The following PCDHA12 variants were observed in gnomAD, a reference collection of about 807,000 sequenced individuals.
PCDHA12 encodes the protein protocadherin alpha-12.
In PCDHA12, 44 loss-of-function variants were observed where a neutral mutation model predicts 60.0. That is an observed-to-expected ratio of 0.73 (90% CI 0.58 to 0.94). The LOEUF (loss-of-function observed/expected upper bound fraction) is 0.94, where lower values mean the gene tolerates loss of function less well. Among genes scored for constraint, PCDHA12 ranks in the 40% least tolerant of loss-of-function variants. The probability of loss-of-function intolerance (pLI) is 0.00; values close to 1 mark genes in which losing one functional copy is unlikely to be tolerated. For synonymous variants in PCDHA12, 569 were observed against 553.0 expected, an observed-to-expected ratio of 1.03 and a Z score of -0.40; for missense variants, 1,276 against 1,239.7, an observed-to-expected ratio of 1.03 and a Z score of -0.44.
At chr5:140,929,768 C>T (rs534287991) in intron 1 of PCDHA12, 1 of 175,482 alleles carries the variant, frequency 5.7e-6, no homozygotes, top group South Asian at 2.0e-4. Context: ...ACGATAACCA[C>T]AAAAGATGTA....
At chr5:140,966,617 A>G (rs1169791623) in intron 1 of PCDHA12, 8 of 785,216 alleles carry the variant, frequency 1.0e-5, no homozygotes, top group African/African-American at 1.8e-5. Flanking sequence ...GGGCCTACGG[A>G]GGGAGCGGCC....
intron 1 of PCDHA12, chr5:140,968,575 G>C: frequency 6.2e-7 from 1 of 1,614,134 alleles, no homozygotes; most frequent in Non-Finnish European, 8.5e-7. Context: ...CTGGCTACCT[G>C]GTCACCAAAG....
At chr5:140,977,815 G>C (rs2096776039) in intron 1 of PCDHA12, among the ~76,000 whole-genome samples, 1 of 152,208 alleles carries the variant, frequency 6.6e-6, no homozygotes, top group Non-Finnish European at 1.5e-5. Context: ...ATTATTGACA[G>C]TTTTGAATGG....
At chr5:140,971,527 A>G (rs116818549) in intron 1 of PCDHA12, among the ~76,000 whole-genome samples, 2,035 of 152,284 alleles carry the variant, frequency 0.013, 20 homozygotes, top group Middle Eastern at 0.054. Context: ...CAGTTCTGAA[A>G]GTCATCATTG....
chr5:140,891,418 C>G (rs2063090538), intron 1 of PCDHA12, among the ~76,000 whole-genome samples: 1 of 146,594 alleles, frequency 6.8e-6, no homozygotes, highest in Non-Finnish European at 1.5e-5. Flanking sequence ...CCACTCTTGC[C>G]CCCAAGTCCC....
At chr5:141,003,467 A>G (rs1262411574) in intron 3 of PCDHA12, among the ~76,000 whole-genome samples, 1 of 152,036 alleles carries the variant, frequency 6.6e-6, no homozygotes, top group Non-Finnish European at 1.5e-5. Context: ...GTGCACCACC[A>G]CAGTCTCGCT....
At chr5:140,889,424 A>AT (rs1554183891) in intron 1 of PCDHA12, among the ~76,000 whole-genome samples, 2 of 151,956 alleles carry the variant, frequency 1.3e-5, no homozygotes, top group Non-Finnish European at 2.9e-5. Flanking sequence ...CGTAGATAAT[A>AT]TTTTTTCAGG....
intron 3 of PCDHA12, among the ~76,000 whole-genome samples, chr5:140,999,451 C>T (rs1245812469): frequency 4.6e-5 from 7 of 152,084 alleles, no homozygotes; most frequent in African/African-American, 9.7e-5. Context: ...ATTCGTTCAA[C>T]GAATAAGTGG....
In PCDHA12 at chr5:140,928,822, C is replaced by G. The variant is rs782187448; in HGVS notation, c.2368-50127C>G. ...GGTAGTGGTTCGGGACCATGGAGAC[C>G]CACCACTTTCCTCCTCTGTCACTCT... On this transcript the variant is annotated intron_variant, in intron 1 of 3. Coordinates refer to ENST00000398631, the MANE Select transcript of PCDHA12 (RefSeq NM_018903.4). 6 of 1,614,116 alleles carry G rather than the reference C, an allele frequency of 3.7e-6. No individual in the cohort carries two copies. The South Asian group carries it at 6.6e-5, about 18-fold the overall frequency.
rs1459343581 is a variant in PCDHA12 at position 141,012,230 on chromosome 5, A to G, written c.*2293A>G. 1.3e-5 allele frequency: 2 copies of G among 153,766 alleles called. No individual in the cohort carries two copies. The highest frequency in any genetic ancestry group is 6.5e-5 in the Admixed American group (1 of 15,278). 9.5% of individuals were successfully genotyped at this position (153,766 alleles called of 1,614,324 possible). On this transcript the variant is annotated 3_prime_UTR_variant, in exon 4 of 4. Transcript: ENST00000398631. ...ACATTTGCGAAGTGCTTTCCAATCC[A>G]TGTTAGTTACTAGTTATTACAGCTG...
chr5:140,961,438 A>G (rs888082906), intron 1 of PCDHA12, among the ~76,000 whole-genome samples: 2 of 152,194 alleles, frequency 1.3e-5, no homozygotes, highest in South Asian at 4.1e-4. Context: ...AAAATCACCT[A>G]ACTACACTGT....
intron 1 of PCDHA12, among the ~76,000 whole-genome samples, chr5:140,886,185 G>A (rs2060887176): frequency 6.6e-6 from 1 of 152,072 alleles, no homozygotes; most frequent in African/African-American, 2.4e-5. Context: ...CCTAATGCTG[G>A]CAAGCAGTAA....
intron 1 of PCDHA12, among the ~76,000 whole-genome samples, chr5:140,939,879 T>C (rs565550218): frequency 2.0e-5 from 3 of 152,208 alleles, no homozygotes; most frequent in Non-Finnish European, 4.4e-5. Flanking sequence ...CTTTGCTAGT[T>C]GTGTTGTTCA....
intron 1 of PCDHA12, among the ~76,000 whole-genome samples, chr5:140,922,895 A>G (rs2153566398): frequency 6.6e-6 from 1 of 152,340 alleles, no homozygotes; most frequent in East Asian, 1.9e-4. Context: ...ATTCAAGAAA[A>G]AATTTTGAGA....
intron 1 of PCDHA12, among the ~76,000 whole-genome samples, chr5:140,938,157 G>A (rs532966795): frequency 6.6e-6 from 1 of 151,904 alleles, no homozygotes; most frequent in East Asian, 1.9e-4. Context: ...CATTGCCCAG[G>A]CTAGTCTGGA....
At chr5:140,979,104 A>G (rs1563470833) in intron 2 of PCDHA12, 97 bp downstream of exon 2, 3 of 1,539,000 alleles carry the variant, frequency 1.9e-6, no homozygotes, top group Admixed American at 2.2e-5. Context: ...TGTCAAAACT[A>G]AAAAGCTTTA....
intron 1 of PCDHA12, chr5:140,878,053 C>T (rs2057454277): frequency 2.2e-6 from 1 of 456,148 alleles, no homozygotes; most frequent in Non-Finnish European, 3.5e-6. Flanking sequence ...TGGAGCACCA[C>T]ACTTAATATT....
chr5:140,903,713 A>G (rs1391210068), intron 1 of PCDHA12, among the ~76,000 whole-genome samples: 1 of 152,206 alleles, frequency 6.6e-6, no homozygotes, highest in Non-Finnish European at 1.5e-5. Flanking sequence ...TAAAATATAC[A>G]ATTCTCCCTA....
At chr5:140,901,909 C>T (rs2068974930) in intron 1 of PCDHA12, among the ~76,000 whole-genome samples, 1 of 151,454 alleles carries the variant, frequency 6.6e-6, no homozygotes, top group African/African-American at 2.4e-5. Context: ...TTGTGGAGAT[C>T]TTTCACTTCT....
Sources: gnomAD v4.1 joint callset for allele counts (sites outside exome capture counted in the v4.1 genomes callset) on GRCh38, gnomAD v4.1.1 for gene constraint, MANE v1.5 for transcripts, NCBI Gene and HGNC (gene_info 2026-07-23, HGNC 2026-07-21) for gene names.